Variants in CACNA1E observed in about 807,000 individuals in gnomAD.
The protein encoded by CACNA1E is calcium voltage-gated channel subunit alpha1 E.
A neutral mutation model predicts 259.2 loss-of-function variants in CACNA1E; 40 were observed. The observed-to-expected ratio is 0.15, with a 90% CI of 0.12 to 0.20. CACNA1E has a LOEUF of 0.20. CACNA1E is among the 10% of genes least tolerant of loss of function. The pLI is 1.00. For synonymous variants in CACNA1E, 1,104 were observed against 1,138.5 expected (o/e 0.97, Z 0.61); for missense variants, 1,874 against 3,040.1 (o/e 0.62, Z 9.02).
intron 7 of CACNA1E, among the ~76,000 whole-genome samples, chr1:181,703,584 TA>T (rs1346912848): frequency 1.3e-5 from 2 of 152,116 alleles, no homozygotes; most frequent in African/African-American, 4.8e-5. Flanking sequence ...CTCAAACAAA[TA>T]AATGAGATCT....
intron 18 of CACNA1E, among the ~76,000 whole-genome samples, chr1:181,729,681 G>A (rs1173203194): frequency 6.6e-6 from 1 of 152,208 alleles, no homozygotes; most frequent in African/African-American, 2.4e-5. Context: ...ACATGTGGAT[G>A]CTTCTCTGTA....
chr1:181,664,900 C>G (rs1377983738), intron 7 of CACNA1E, among the ~76,000 whole-genome samples: 1 of 152,268 alleles, frequency 6.6e-6, no homozygotes, highest in East Asian at 1.9e-4. Flanking sequence ...AAACAAGGTA[C>G]TGTTTTACAA....
At chr1:181,693,420 G>A (rs1651397612) in intron 7 of CACNA1E, among the ~76,000 whole-genome samples, 1 of 152,052 alleles carries the variant, frequency 6.6e-6, no homozygotes, top group African/African-American at 2.4e-5. Flanking sequence ...CCCATCAATG[G>A]TGGATTGGAT....
chr1:181,711,969 A>G (rs1307583030), intron 8 of CACNA1E, among the ~76,000 whole-genome samples: 2 of 152,210 alleles, frequency 1.3e-5, no homozygotes, highest in Non-Finnish European at 2.9e-5. Flanking sequence ...CCATAGAAGG[A>G]TAAGGCTGGA....
intron 1 of CACNA1E, among the ~76,000 whole-genome samples, chr1:181,502,513 C>T (rs1665335899): frequency 6.6e-6 from 1 of 152,058 alleles, no homozygotes; most frequent in Non-Finnish European, 1.5e-5. Flanking sequence ...ATCTCTTAAC[C>T]TGGGCCCTCT....
At chr1:181,392,571 CG>C (rs1656375829) in intron 1 of CACNA1E, among the ~76,000 whole-genome samples, 1 of 152,178 alleles carries the variant, frequency 6.6e-6, no homozygotes, top group South Asian at 2.1e-4. Context: ...AGGAACACAG[CG>C]GATGCCTGAC....
At chr1:181,428,381 T>C (rs613320) in intron 2 of CACNA1E, among the ~76,000 whole-genome samples, 94,863 of 152,016 alleles carry the variant, frequency 0.62, 30,675 homozygotes, top group African/African-American at 0.79. Context: ...TATCCAGAGC[T>C]AGGGCAAGGC....
In CACNA1E at chr1:181,732,495, G is replaced by C. The variant is rs1475932308; in HGVS notation, c.2409G>C (p.Pro803=). Residue 803 remains proline (P), a synonymous_variant, in exon 20 of 48, where the codon CCG becomes CCC. Transcript: ENST00000367573. The surrounding 1 kb of genome is among the most constrained non-coding windows in gnomAD (Gnocchi z 5.5). ...SQEALNREEA[P]TMNPLNPLNP... is the part of the protein sequence containing the mutation. The stretch of plus-strand genomic sequence containing the variant: ...AGGCCCTCAACAGAGAGGAGGCGCC[G>C]ACCATGAACCCGCTCAACCCCCTCA... 3 of 1,551,310 alleles carry C rather than the reference G, an allele frequency of 1.9e-6. No homozygotes were observed. Among genetic ancestry groups the C allele is most frequent in the Non-Finnish European group, 2.6e-6 (3 of 1,146,896 alleles).
In CACNA1E at chr1:181,580,550, G is replaced by GA. The variant is rs755837928; in HGVS notation, c.770-42dup. On this transcript the variant is annotated intron_variant, in intron 5 of 47. Coordinates refer to ENST00000367573, the MANE Select transcript of CACNA1E (RefSeq NM_001205293.3). ...TCCTGGGGTCATTTCCAGCTCATGC[G>GA]AAACACCATGTGATTTATCTCCTAC... 3.2e-5 allele frequency: 51 copies of GA among 1,581,774 alleles called. No individual in the cohort carries two copies. The South Asian group carries it at 5.3e-4, about 16-fold the overall frequency.
chr1:181,453,109 T>G (rs1298850848), intron 2 of CACNA1E, among the ~76,000 whole-genome samples: 1 of 152,232 alleles, frequency 6.6e-6, no homozygotes, highest in East Asian at 1.9e-4. Context: ...TCCTTTGTTC[T>G]CAGAAATTGT....
Position 181,803,785 on chromosome 1 carries a change from A to T in CACNA1E, c.*4951A>T, listed in dbSNP as rs1264023466. ...TATGCATCCCAGAGAGGTCACACCA[A>T]GCCAAAGAGAAAAAATTCATAGATT... On this transcript the variant is annotated 3_prime_UTR_variant, in exon 48 of 48. Coordinates refer to ENST00000367573, the MANE Select transcript of CACNA1E (RefSeq NM_001205293.3). 6.6e-6 allele frequency: 1 copy of T among 152,188 alleles called. No homozygotes were observed. Among genetic ancestry groups the T allele is most frequent in the Non-Finnish European group, 1.5e-5 (1 of 68,046 alleles). 9.4% of individuals were successfully genotyped at this position (152,188 alleles called of 1,614,324 possible). A position where few individuals can be genotyped will look rare whatever the true frequency, so the allele number is the denominator to read the frequency against.
intron 1 of CACNA1E, among the ~76,000 whole-genome samples, chr1:181,410,910 T>C (rs1465737520): frequency 1.3e-5 from 2 of 152,152 alleles, no homozygotes; most frequent in African/African-American, 2.4e-5. Flanking sequence ...GGGTGGGAGA[T>C]GGTGTCTGGA....
intron 3 of CACNA1E, among the ~76,000 whole-genome samples, chr1:181,533,494 G>A (rs1667935393): frequency 6.6e-6 from 1 of 151,312 alleles, no homozygotes; most frequent in Admixed American, 6.6e-5. Context: ...CATTGGCAAT[G>A]ATTAATGACT....
intron 3 of CACNA1E, among the ~76,000 whole-genome samples, chr1:181,556,913 C>T (rs1011551657): frequency 6.6e-6 from 1 of 152,178 alleles, no homozygotes; most frequent in Admixed American, 6.5e-5. Context: ...CTAGAGTTCA[C>T]ACAGAATTTT....
intron 2 of CACNA1E, among the ~76,000 whole-genome samples, chr1:181,470,751 T>C (rs6698772): frequency 0.33 from 50,477 of 151,964 alleles, 8,490 homozygotes; most frequent in African/African-American, 0.38. Flanking sequence ...CCTTTGGCCA[T>C]GGCTTGGAGG....
chr1:181,350,001 T>G (rs1652908610), intron 1 of CACNA1E, among the ~76,000 whole-genome samples: 1 of 152,080 alleles, frequency 6.6e-6, no homozygotes, highest in Non-Finnish European at 1.5e-5. Flanking sequence ...CTCCTCAACT[T>G]TGCTGTCCCT....
chr1:181,321,659 A>G (rs866463188), intron 1 of CACNA1E, among the ~76,000 whole-genome samples: 5 of 152,172 alleles, frequency 3.3e-5, no homozygotes, highest in Non-Finnish European at 5.9e-5. Context: ...GCTCATGTAG[A>G]TAATTCTAGG....
chr1:181,540,340 GT>G (rs1668489658), intron 3 of CACNA1E, among the ~76,000 whole-genome samples: 1 of 152,080 alleles, frequency 6.6e-6, no homozygotes, highest in Non-Finnish European at 1.5e-5. Flanking sequence ...GCAACATGGT[GT>G]TTTATATGGC....
intron 1 of CACNA1E, among the ~76,000 whole-genome samples, chr1:181,322,233 A>G (rs1037767866): frequency 6.6e-6 from 1 of 152,166 alleles, no homozygotes; most frequent in Non-Finnish European, 1.5e-5. Flanking sequence ...AGCAGGAAAT[A>G]CAATAGTATA....
Sources: gnomAD v4.1 joint callset for allele counts (sites outside exome capture counted in the v4.1 genomes callset) on GRCh38, gnomAD v4.1.1 for gene constraint, Gnocchi (gnomAD v3.1) non-coding constraint, MANE v1.5 for transcripts, NCBI Gene and HGNC (gene_info 2026-07-23, HGNC 2026-07-21) for gene names.